NRXN3: variants seen among roughly 807,000 people sequenced by gnomAD.
The protein encoded by NRXN3 is neurexin III.
NRXN3 carries 32 observed loss-of-function variants against 137.6 expected under a neutral mutation model. The ratio of observed to expected loss-of-function variants is 0.23; its 90% confidence interval spans 0.18 to 0.31. NRXN3 has a LOEUF of 0.31. Ranked by LOEUF, NRXN3 falls within the 10% of genes least tolerant of loss-of-function variation. The probability of loss-of-function intolerance (pLI) is 1.00; values close to 1 mark genes in which losing one functional copy is unlikely to be tolerated. For synonymous variants in NRXN3, 798 were observed against 784.5 expected, an observed-to-expected ratio of 1.02 and a Z score of -0.29; for missense variants, 1,574 against 2,062.5, an observed-to-expected ratio of 0.76 and a Z score of 4.59.
intron 6 of NRXN3, among the ~76,000 whole-genome samples, chr14:78,697,313 T>C (rs1237472230): frequency 6.6e-6 from 1 of 151,934 alleles, no homozygotes; most frequent in Non-Finnish European, 1.5e-5. Flanking sequence ...TTCTTTTATA[T>C]AAATATAAAA....
chr14:78,185,342 G>A (rs896581129), intron 1 of NRXN3, among the ~76,000 whole-genome samples: 14 of 152,220 alleles, frequency 9.2e-5, no homozygotes, highest in Non-Finnish European at 2.9e-5. Flanking sequence ...ATCAGCAGAT[G>A]TGGAGAGAAG....
intron 19 of NRXN3, among the ~76,000 whole-genome samples, chr14:79,781,200 C>G (rs1245842871): frequency 2.6e-5 from 4 of 152,120 alleles, no homozygotes; most frequent in Non-Finnish European, 5.9e-5. Context: ...TTCCGCTTAT[C>G]TATTTAATTC....
chr14:78,454,598 G>A (rs561969032), intron 4 of NRXN3, among the ~76,000 whole-genome samples: 2 of 152,182 alleles, frequency 1.3e-5, no homozygotes, highest in Non-Finnish European at 1.5e-5. Flanking sequence ...TAATGCTGTG[G>A]CCTCTCTACA....
intron 16 of NRXN3, among the ~76,000 whole-genome samples, chr14:79,626,793 G>A (rs1340972754): frequency 6.6e-6 from 1 of 152,040 alleles, no homozygotes; most frequent in African/African-American, 2.4e-5. Context: ...TTCCTTCCAA[G>A]GTTTCCAGAT....
rs117814316 is a variant in NRXN3, at chr14:78,401,600, A to T, written c.757+103740A>T. Among the ~76,000 whole-genome samples, 1,232 of 152,362 alleles carry T rather than the reference A, an allele frequency of 8.1e-3. 39 individuals carry two copies. In the East Asian group the frequency reaches 0.084, roughly 10 times the overall value. On this transcript the variant is annotated intron_variant, in intron 4 of 20. Transcript: ENST00000335750. ...TTGGGTCCCAAAAGGCCACTTTTTAATACCACCACAATGAGTATTAAATTT... is the reference window on the plus strand; with the variant it reads ...TTGGGTCCCAAAAGGCCACTTTTTATTACCACCACAATGAGTATTAAATTT...
chr14:79,197,635 T>C (rs540496648), intron 15 of NRXN3, among the ~76,000 whole-genome samples: 1 of 152,202 alleles, frequency 6.6e-6, no homozygotes, highest in African/African-American at 2.4e-5. Flanking sequence ...GTCTTTGTTG[T>C]CGCTGACTCC....
chr14:79,185,269 T>TC (rs1199435824), intron 15 of NRXN3, among the ~76,000 whole-genome samples: 3 of 152,196 alleles, frequency 2.0e-5, no homozygotes, highest in Non-Finnish European at 4.4e-5. Context: ...CTCTGAGTTG[T>TC]CTTCTCTCAT....
intron 4 of NRXN3, among the ~76,000 whole-genome samples, chr14:78,598,114 A>G (rs951315437): frequency 6.6e-6 from 1 of 152,206 alleles, no homozygotes; most frequent in African/African-American, 2.4e-5. Context: ...TTCATGGATA[A>G]TTACTGTAGC....
intron 15 of NRXN3, among the ~76,000 whole-genome samples, chr14:79,353,657 T>C (rs1179148717): frequency 1.3e-5 from 2 of 152,156 alleles, no homozygotes; most frequent in East Asian, 1.9e-4. Context: ...AAGCCACTGA[T>C]TCTTGGACAA....
chr14:79,604,638 T>C (rs1373519796), intron 16 of NRXN3, among the ~76,000 whole-genome samples: 1 of 152,140 alleles, frequency 6.6e-6, no homozygotes, highest in African/African-American at 2.4e-5. Context: ...AGACCATAAT[T>C]TAACCAGCTG....
intron 1 of NRXN3, among the ~76,000 whole-genome samples, chr14:78,239,569 C>T (rs2066809277): frequency 6.6e-6 from 1 of 152,222 alleles, no homozygotes; most frequent in South Asian, 2.1e-4. Context: ...CCAACAGCAC[C>T]TACCTCCTGC....
At chr14:78,770,380 T>C (rs372147073) in intron 8 of NRXN3, among the ~76,000 whole-genome samples, 4 of 152,252 alleles carry the variant, frequency 2.6e-5, no homozygotes, top group South Asian at 2.1e-4. Flanking sequence ...TCAGAGTGAG[T>C]TCTCCATGTC....
intron 19 of NRXN3, among the ~76,000 whole-genome samples, chr14:79,762,459 T>C (rs2099041893): frequency 7.5e-6 from 1 of 134,150 alleles, no homozygotes; most frequent in Non-Finnish European, 1.7e-5. Flanking sequence ...AGAGATTTCC[T>C]GGCTTCACTT....
At chr14:79,194,409 A>C (rs1250754472) in intron 15 of NRXN3, among the ~76,000 whole-genome samples, 1 of 152,224 alleles carries the variant, frequency 6.6e-6, no homozygotes, top group Non-Finnish European at 1.5e-5. Context: ...TTGGTGTTGC[A>C]CTGGTGCATC....
chr14:78,324,619 A>G (rs548948319), intron 4 of NRXN3, among the ~76,000 whole-genome samples: 1 of 152,170 alleles, frequency 6.6e-6, no homozygotes, highest in Non-Finnish European at 1.5e-5. Flanking sequence ...GTGCATTAAT[A>G]AAAGGACAAA....
At chr14:78,725,444 T>C (rs146086679) in intron 8 of NRXN3, among the ~76,000 whole-genome samples, 88 of 152,368 alleles carry the variant, frequency 5.8e-4, no homozygotes, top group Non-Finnish European at 8.8e-5. Context: ...AGTAGCTCAC[T>C]GTTGCTCAGC....
intron 5 of NRXN3, among the ~76,000 whole-genome samples, chr14:78,648,706 T>G (rs2097710402): frequency 6.6e-6 from 1 of 152,178 alleles, no homozygotes; most frequent in Non-Finnish European, 1.5e-5. Context: ...GTTTTTTCCT[T>G]TTTGGGAGGA....
At chr14:79,142,576 C>G (rs1014525737) in intron 15 of NRXN3, among the ~76,000 whole-genome samples, 5 of 152,046 alleles carry the variant, frequency 3.3e-5, no homozygotes, top group Non-Finnish European at 7.4e-5. Flanking sequence ...TGTTGGCAAC[C>G]TGTGAAGTGG....
intron 15 of NRXN3, among the ~76,000 whole-genome samples, chr14:79,194,623 G>C (rs1362656633): frequency 6.6e-6 from 1 of 152,226 alleles, no homozygotes; most frequent in Non-Finnish European, 1.5e-5. Context: ...CCTGAGGTAG[G>C]ACAGGCAGTC....
Sources: allele counts gnomAD v4.1 joint callset (sites outside exome capture counted in the v4.1 genomes callset), GRCh38; gene constraint gnomAD v4.1.1; transcripts MANE v1.5; gene names NCBI Gene and HGNC (gene_info 2026-07-23, HGNC 2026-07-21).